FAM135B: variants seen among roughly 807,000 people sequenced by gnomAD.
The protein encoded by FAM135B is protein FAM135B.
In FAM135B, 43 loss-of-function variants were observed where a neutral mutation model predicts 127.7. The ratio of observed to expected loss-of-function variants is 0.34; its 90% CI spans 0.26 to 0.43. The LOEUF is 0.43. FAM135B is among the 20% of genes least tolerant of loss of function. The probability of loss-of-function intolerance (pLI) is 1.00; values close to 1 mark genes in which losing one functional copy is unlikely to be tolerated. For missense variants in FAM135B, 1,558 were observed against 1,725.6 expected, an observed-to-expected ratio of 0.90 and a Z score of 1.72; for synonymous variants, 670 against 665.1, an observed-to-expected ratio of 1.01 and a Z score of -0.11.
chr8:138,393,455 G>GAA (rs201526750), intron 1 of FAM135B, among the ~76,000 whole-genome samples: 3 of 134,682 alleles, frequency 2.2e-5, no homozygotes, highest in Non-Finnish European at 3.2e-5. Context: ...CTGTTTTAGT[G>GAA]AAAAAAAAAA....
At chr8:138,462,505 C>G (rs1837182701) in intron 1 of FAM135B, among the ~76,000 whole-genome samples, 1 of 152,100 alleles carries the variant, frequency 6.6e-6, no homozygotes, top group African/African-American at 2.4e-5. Flanking sequence ...CTGTGGGTTT[C>G]CAACTCTCAC....
intron 2 of FAM135B, among the ~76,000 whole-genome samples, chr8:138,326,439 G>C (rs1398289): frequency 0.88 from 133,146 of 152,148 alleles, 59,417 homozygotes; most frequent in Non-Finnish European, 0.97. Context: ...AATGAGCTTG[G>C]TTAAAGCAGG....
At chr8:138,236,162 G>A (rs942161001) in intron 7 of FAM135B, among the ~76,000 whole-genome samples, 3 of 152,034 alleles carry the variant, frequency 2.0e-5, no homozygotes, top group African/African-American at 4.8e-5. Flanking sequence ...CAAAGGCTTC[G>A]TGGCCATATG....
At chr8:138,339,132 A>G (rs1828846454) in intron 2 of FAM135B, among the ~76,000 whole-genome samples, 1 of 144,068 alleles carries the variant, frequency 6.9e-6, no homozygotes, top group African/African-American at 2.6e-5. Context: ...GGGGGCAGGG[A>G]TAGCATTAGG....
In FAM135B at chr8:138,170,208, T is replaced by C. The variant is rs565891447; in HGVS notation, c.1104-2159A>G. 2.0e-5 allele frequency among the ~76,000 whole-genome samples: 3 copies of C among 146,824 alleles called. No individual in the cohort carries two copies. The South Asian group carries it at 6.5e-4, about 32-fold the overall frequency. ...GTCATGCAAGTTGTAACTAAGACAC[T>C]GTTACTATCTTTTTTTTTTTTTTTT... On this transcript the variant is annotated intron_variant, in intron 11 of 19. Transcript: ENST00000395297.
chr8:138,383,944 G>A (rs778878317), intron 1 of FAM135B, among the ~76,000 whole-genome samples: 32 of 152,036 alleles, frequency 2.1e-4, no homozygotes, highest in Non-Finnish European at 1.0e-4. Flanking sequence ...TTTCCTAGCC[G>A]CCCAGAGGTG....
chr8:138,421,438 AT>A (rs1232747686), intron 1 of FAM135B, among the ~76,000 whole-genome samples: 1 of 152,244 alleles, frequency 6.6e-6, no homozygotes, highest in Non-Finnish European at 1.5e-5. Flanking sequence ...CAATTTCAGT[AT>A]GGTTTCAAGA....
At chr8:138,142,515 A>G (rs1427873246) in intron 16 of FAM135B, among the ~76,000 whole-genome samples, 1 of 151,770 alleles carries the variant, frequency 6.6e-6, no homozygotes, top group Non-Finnish European at 1.5e-5. Context: ...TGTGTTAGCC[A>G]GGATGGTCTC....
intron 2 of FAM135B, among the ~76,000 whole-genome samples, chr8:138,321,228 G>A (rs896136340): frequency 1.3e-5 from 2 of 152,082 alleles, no homozygotes; most frequent in Non-Finnish European, 2.9e-5. Flanking sequence ...ATGGCATGAT[G>A]CTCAACCCCA....
At chr8:138,492,737 A>C (rs1429618420) in intron 1 of FAM135B, among the ~76,000 whole-genome samples, 1 of 151,986 alleles carries the variant, frequency 6.6e-6, no homozygotes, top group East Asian at 1.9e-4. Context: ...TCAGGTCTGC[A>C]TGTGGAGATT....
chr8:138,311,315 A>G (rs1826667872), intron 2 of FAM135B, among the ~76,000 whole-genome samples: 1 of 152,232 alleles, frequency 6.6e-6, no homozygotes, highest in African/African-American at 2.4e-5. Flanking sequence ...AGTTTCTATC[A>G]TATTGCAACA....
chr8:138,259,317 C>A (rs1010045668), intron 4 of FAM135B, among the ~76,000 whole-genome samples: 1 of 152,190 alleles, frequency 6.6e-6, no homozygotes, highest in African/African-American at 2.4e-5. Context: ...AAGAGGGCAG[C>A]TTCTGAAACC....
Position 138,225,455 on chromosome 8 carries a change from C to A in FAM135B, c.669+17487G>T, listed in dbSNP as rs369066007. Reference sequence around the variant, plus strand: ...ATGTCTGCTATTTAAGCCAAAAAAACAAAAAAAAAACAAAAAAACAAAAAA... The same window carrying A: ...ATGTCTGCTATTTAAGCCAAAAAAAAAAAAAAAAAACAAAAAAACAAAAAA... On this transcript the variant is annotated intron_variant, in intron 7 of 19. Coordinates refer to ENST00000395297, the MANE Select transcript of FAM135B (RefSeq NM_015912.4). Among the ~76,000 whole-genome samples the A allele has an allele frequency of 4.4e-3, 596 of 136,910 alleles. 1 individual carries two copies. The highest frequency in any genetic ancestry group is 7.1e-3 in the Non-Finnish European group (448 of 62,706). The allele number at this position is 136,910 out of a possible 152,430, so 89.8% of individuals were successfully genotyped here.
chr8:138,413,317 C>T (rs758533029), intron 1 of FAM135B, among the ~76,000 whole-genome samples: 5 of 152,014 alleles, frequency 3.3e-5, no homozygotes, highest in Admixed American at 6.6e-5. Flanking sequence ...TTCATACTTC[C>T]AAGTCTTTGC....
intron 2 of FAM135B, among the ~76,000 whole-genome samples, chr8:138,333,054 T>TG (rs1828304974): frequency 6.6e-6 from 1 of 152,040 alleles, no homozygotes; most frequent in Non-Finnish European, 1.5e-5. Context: ...TTAAAATATT[T>TG]GGGAAAAAAA....
intron 1 of FAM135B, among the ~76,000 whole-genome samples, chr8:138,449,399 G>A (rs1836369281): frequency 6.6e-6 from 1 of 152,088 alleles, no homozygotes; most frequent in Admixed American, 6.6e-5. Context: ...CACAGGAGGA[G>A]GAAGGGCTCT....
In FAM135B at chr8:138,151,316, G is replaced by A. The variant is rs2130724456; in HGVS notation, c.3159C>T (p.Ala1053=). 1 of 1,614,072 alleles carries A rather than the reference G, an allele frequency of 6.2e-7. No individual in the cohort carries two copies. Among genetic ancestry groups the A allele is most frequent in the Non-Finnish European group, 8.5e-7 (1 of 1,180,008 alleles). The part of the protein sequence containing the change: ...PFSSVPKETP[A]RAGFSSKQTL... ...TCTGTTTGGAAGAGAATCCAGCCCT[G>A]GCAGGGGTCTCCTTGGGCACAGATG... is the stretch of plus-strand genomic sequence containing the variant. The change falls in exon 13 of 20, where the codon GCC becomes GCT. Residue 1053 remains alanine (A), a synonymous_variant. Transcript: ENST00000395297.
intron 1 of FAM135B, among the ~76,000 whole-genome samples, chr8:138,480,009 G>C (rs1243520302): frequency 6.6e-6 from 1 of 151,986 alleles, no homozygotes; most frequent in African/African-American, 2.4e-5. Context: ...TGAGGCCCTG[G>C]GGCTGCCACT....
chr8:138,339,374 T>C (rs1331452024), intron 2 of FAM135B, among the ~76,000 whole-genome samples: 3 of 150,548 alleles, frequency 2.0e-5, no homozygotes, highest in Non-Finnish European at 4.4e-5. Context: ...TATATATATA[T>C]ATATATATAT....
Sources: allele counts gnomAD v4.1 joint callset (sites outside exome capture counted in the v4.1 genomes callset), GRCh38; gene constraint gnomAD v4.1.1; transcripts MANE v1.5; gene names NCBI Gene and HGNC (gene_info 2026-07-23, HGNC 2026-07-21).